Variants in NOS1AP observed in about 807,000 individuals in gnomAD.
NOS1AP encodes carboxyl-terminal PDZ ligand of neuronal nitric oxide synthase protein.
Under a neutral mutation model 56.2 loss-of-function variants are expected in NOS1AP, and 21 were observed. The ratio of observed to expected loss-of-function variants is 0.37; its 90% CI spans 0.26 to 0.54. The LOEUF (loss-of-function observed/expected upper bound fraction) is 0.54. NOS1AP is among the 20% of genes least tolerant of loss of function. The pLI, the probability that NOS1AP is intolerant of heterozygous loss-of-function variation, is 0.84. For missense variants in NOS1AP, 522 were observed against 657.8 expected, an observed-to-expected ratio of 0.79 and a Z score of 2.26; for synonymous variants, 270 against 274.6, an observed-to-expected ratio of 0.98 and a Z score of 0.17.
chr1:162,296,025 A>G (rs978461295), intron 3 of NOS1AP, among the ~76,000 whole-genome samples: 3 of 152,030 alleles, frequency 2.0e-5, no homozygotes, highest in African/African-American at 2.4e-5. Context: ...GGTGGCTCAC[A>G]CCTGTAATCC....
chr1:162,144,230 TG>T (rs58483532), intron 1 of NOS1AP, among the ~76,000 whole-genome samples: 13,626 of 152,294 alleles, frequency 0.089, 957 homozygotes, highest in African/African-American at 0.19. Flanking sequence ...CAGCCCTTGC[TG>T]GGGCATTGGC....
chr1:162,073,843 G>GT (rs1691713852), intron 1 of NOS1AP, among the ~76,000 whole-genome samples: 1 of 152,338 alleles, frequency 6.6e-6, no homozygotes, highest in Non-Finnish European at 1.5e-5. Flanking sequence ...TGTGTTCAGA[G>GT]TGGGTACCTG....
At chr1:162,137,350 T>C (rs760398422) in intron 1 of NOS1AP, among the ~76,000 whole-genome samples, 15 of 152,218 alleles carry the variant, frequency 9.9e-5, no homozygotes, top group Non-Finnish European at 2.1e-4. Flanking sequence ...TGCAGCACTA[T>C]TGATTTGCCG....
intron 2 of NOS1AP, among the ~76,000 whole-genome samples, chr1:162,286,165 C>T (rs1465971977): frequency 6.6e-6 from 1 of 152,130 alleles, no homozygotes; most frequent in East Asian, 1.9e-4. Context: ...ATGAGATTTC[C>T]AAAGTAGGCT....
At chr1:162,159,895 C>T (rs552483822) in intron 2 of NOS1AP, among the ~76,000 whole-genome samples, 4 of 152,232 alleles carry the variant, frequency 2.6e-5, no homozygotes, top group South Asian at 4.2e-4. Context: ...GGCTGCAGTG[C>T]CCAGCTCCAG....
Position 162,154,425 on chromosome 1 carries a change from G to T in NOS1AP, c.126G>T (p.Val42=), listed in dbSNP as rs1649845729. The T allele has an allele frequency of 1.2e-6, 2 of 1,613,998 alleles. No homozygotes were observed. Among genetic ancestry groups the T allele is most frequent in the Admixed American group, 1.7e-5 (1 of 60,010 alleles). The part of the protein sequence containing the change: ...FEAKYVGSLD[V]PRPNSRVEIV... ...CACAGTACGTAGGAAGCCTGGACGT[G>T]CCAAGGCCCAACAGCAGGGTGGAGA... Residue 42 remains valine (V), a synonymous_variant, in exon 2 of 10, where the codon GTG becomes GTT. Transcript: ENST00000361897.
intron 1 of NOS1AP, among the ~76,000 whole-genome samples, chr1:162,140,803 C>T (rs1649204127): frequency 6.6e-6 from 1 of 152,132 alleles, no homozygotes; most frequent in Non-Finnish European, 1.5e-5. Context: ...ACCTGACCGA[C>T]ATCCGTAATT....
intron 2 of NOS1AP, among the ~76,000 whole-genome samples, chr1:162,172,616 T>C (rs1265068960): frequency 6.6e-6 from 1 of 152,192 alleles, no homozygotes; most frequent in Non-Finnish European, 1.5e-5. Context: ...TTGGAGATTA[T>C]TGTCATATAT....
intron 1 of NOS1AP, among the ~76,000 whole-genome samples, chr1:162,121,874 A>G (rs920523583): frequency 2.6e-5 from 4 of 152,220 alleles, no homozygotes; most frequent in African/African-American, 9.7e-5. Flanking sequence ...ACATAAAGCA[A>G]TAATTGAATG....
At chr1:162,342,360 T>C (rs1657136865) in intron 5 of NOS1AP, among the ~76,000 whole-genome samples, 2 of 152,146 alleles carry the variant, frequency 1.3e-5, no homozygotes, top group Admixed American at 1.3e-4. Flanking sequence ...CAAATTGACA[T>C]GTAGATGATA....
Position 162,267,596 on chromosome 1 carries a change from C to CAA in NOS1AP, c.178-19729_178-19728dup, listed in dbSNP as rs71829190. ...CTGGGCAACATAGACCCTGTCTCTA[C>CAA]AAAAAAAAAAAAAAAAAAAATTATT... On this transcript the variant is annotated intron_variant, in intron 2 of 9. Transcript: ENST00000361897. Among the ~76,000 whole-genome samples, 249 of 100,120 alleles carry CAA rather than the reference C, an allele frequency of 2.5e-3. 2 individuals are homozygous for CAA. Among genetic ancestry groups the CAA allele is most frequent in the African/African-American group, 7.4e-3 (215 of 29,238 alleles). 65.7% of individuals were successfully genotyped at this position (100,120 alleles called of 152,430 possible). A position where few individuals can be genotyped will look rare whatever the true frequency, so the allele number is the denominator to read the frequency against.
intron 2 of NOS1AP, among the ~76,000 whole-genome samples, chr1:162,237,094 TGGA>T (rs997537241): frequency 3.9e-5 from 6 of 152,222 alleles, no homozygotes; most frequent in African/African-American, 1.4e-4. Context: ...TCACCTTTGC[TGGA>T]GAGGGTTCTT....
chr1:162,352,328 G>A (rs1403074140), intron 6 of NOS1AP, among the ~76,000 whole-genome samples: 3 of 151,814 alleles, frequency 2.0e-5, no homozygotes, highest in Non-Finnish European at 4.4e-5. Flanking sequence ...CAAAGTGCTG[G>A]AATTATAGGC....
At chr1:162,106,806 A>G (rs763355519) in intron 1 of NOS1AP, among the ~76,000 whole-genome samples, 2 of 152,232 alleles carry the variant, frequency 1.3e-5, no homozygotes, top group Non-Finnish European at 2.9e-5. Flanking sequence ...AAAATAGCAT[A>G]AAGCTGATCT....
chr1:162,281,282 G>A (rs1654916306), intron 2 of NOS1AP, among the ~76,000 whole-genome samples: 1 of 152,206 alleles, frequency 6.6e-6, no homozygotes, highest in Admixed American at 6.5e-5. Context: ...ACTTCTGGAA[G>A]GCTTACTTTA....
At chr1:162,114,918 A>G (rs888770547) in intron 1 of NOS1AP, among the ~76,000 whole-genome samples, 2 of 152,194 alleles carry the variant, frequency 1.3e-5, no homozygotes, top group African/African-American at 4.8e-5. Context: ...TTGATGGTCT[A>G]AGTGCTGCAA....
chr1:162,319,618 C>T lies in NOS1AP; in HGVS notation c.345-13399C>T, dbSNP rs115434225. ...AAGGGCTCTCCCTGCTCTTCTGTCT[C>T]GGTGATGGATAGATTTCCATTGTCC... On this transcript the variant is annotated intron_variant, in intron 4 of 9. Transcript: ENST00000361897. 2.1e-3 allele frequency among the ~76,000 whole-genome samples: 321 copies of T among 152,274 alleles called. 4 individuals are homozygous for T. Among genetic ancestry groups the T allele is most frequent in the African/African-American group, 4.9e-3 (202 of 41,562 alleles).
chr1:162,255,489 G>GTT (rs1338927589), intron 2 of NOS1AP, among the ~76,000 whole-genome samples: 1 of 66,274 alleles, frequency 1.5e-5, no homozygotes, highest in Non-Finnish European at 3.2e-5. Flanking sequence ...TGCTGCTGCT[G>GTT]ATTTTTTTTT....
chr1:162,230,142 G>A (rs1031844030), intron 2 of NOS1AP, among the ~76,000 whole-genome samples: 3 of 152,152 alleles, frequency 2.0e-5, no homozygotes, highest in Non-Finnish European at 4.4e-5. Flanking sequence ...AGAGTTAGTG[G>A]CTGGGGCCCA....
Sources: allele counts gnomAD v4.1 joint callset (sites outside exome capture counted in the v4.1 genomes callset), GRCh38; gene constraint gnomAD v4.1.1; transcripts MANE v1.5; gene names NCBI Gene and HGNC (gene_info 2026-07-23, HGNC 2026-07-21).